Variants in RTN1 observed in about 807,000 individuals in gnomAD.
RTN1 encodes the protein reticulon 1.
RTN1 carries 25 observed loss-of-function variants against 65.5 expected under a neutral mutation model. The ratio of observed to expected loss-of-function variants is 0.38; its 90% CI spans 0.28 to 0.53. RTN1 has a LOEUF of 0.53. Among genes scored for constraint, RTN1 ranks in the 20% least tolerant of loss-of-function variants. RTN1 has a pLI of 0.79. For synonymous variants in RTN1, 471 were observed against 447.6 expected (o/e 1.05, Z -0.66); for missense variants, 983 against 1,025.4 (o/e 0.96, Z 0.57).
chr14:59,601,600 A>G (rs1233631476), intron 8 of RTN1, among the ~76,000 whole-genome samples: 2 of 152,196 alleles, frequency 1.3e-5, no homozygotes, highest in African/African-American at 4.8e-5. Context: ...ATGAAAAAGT[A>G]ATAGGTATGA....
intron 1 of RTN1, among the ~76,000 whole-genome samples, chr14:59,753,161 A>C (rs1885567012): frequency 6.6e-6 from 1 of 152,206 alleles, no homozygotes; most frequent in Non-Finnish European, 1.5e-5. Flanking sequence ...TCAGATGTAC[A>C]GTAATAATTG....
In RTN1 at chr14:59,636,793, C is replaced by G. The variant is rs117772161; in HGVS notation, c.1766-29301G>C. On this transcript the variant is annotated intron_variant, in intron 3 of 8. Coordinates refer to ENST00000267484, the MANE Select transcript of RTN1 (RefSeq NM_021136.3). ...AGTAATGTTTACACTATACTGTAGTCTATTAATTGTGCAATAGCATTATGA... is the reference window on the plus strand; with the variant it reads ...AGTAATGTTTACACTATACTGTAGTGTATTAATTGTGCAATAGCATTATGA... Among the ~76,000 whole-genome samples the G allele has an allele frequency of 6.8e-4, 104 of 152,276 alleles. 1 individual carries two copies. In the East Asian group the frequency reaches 0.018, roughly 26 times the overall value.
chr14:59,649,451 T>C (rs983089838), intron 3 of RTN1, among the ~76,000 whole-genome samples: 1 of 152,010 alleles, frequency 6.6e-6, no homozygotes, highest in Non-Finnish European at 1.5e-5. Flanking sequence ...CAAAATAAAC[T>C]ATCATCAGCA....
chr14:59,689,750 C>A (rs1257914917), intron 3 of RTN1, among the ~76,000 whole-genome samples: 1 of 152,100 alleles, frequency 6.6e-6, no homozygotes, highest in Non-Finnish European at 1.5e-5. Flanking sequence ...TCCAGACAAA[C>A]AAGCACTAAG....
At chr14:59,776,643 A>C (rs1412083888) in intron 1 of RTN1, among the ~76,000 whole-genome samples, 1 of 152,048 alleles carries the variant, frequency 6.6e-6, no homozygotes, top group Non-Finnish European at 1.5e-5. Context: ...TTTGTTCTCA[A>C]CCAGAAGAGG....
intron 3 of RTN1, among the ~76,000 whole-genome samples, chr14:59,674,772 A>T (rs1011925400): frequency 1.3e-5 from 2 of 152,216 alleles, no homozygotes; most frequent in African/African-American, 4.8e-5. Flanking sequence ...TGCAAATGGC[A>T]AAGGAAGAAG....
Position 59,790,437 on chromosome 14 carries a change from T to G in RTN1, c.242-43956A>C, listed in dbSNP as rs528247224. Among the ~76,000 whole-genome samples, 12 of 152,290 alleles carry G rather than the reference T, an allele frequency of 7.9e-5. No individual in the cohort carries two copies. Among genetic ancestry groups the G allele is most frequent in the African/African-American group, 2.6e-4 (11 of 41,574 alleles). On this transcript the variant is annotated intron_variant, in intron 1 of 8. Coordinates refer to ENST00000267484, the MANE Select transcript of RTN1 (RefSeq NM_021136.3). The surrounding 1 kb of genome is among the most constrained non-coding windows in gnomAD (Gnocchi z 4.1). ...CTAATAATAATATGAAACTCTTGTG[T>G]CACCTTTTATTCATAATTTTTCTCC... is the stretch of plus-strand genomic sequence containing the variant.
At chr14:59,866,029 A>T (rs1406556790) in intron 1 of RTN1, among the ~76,000 whole-genome samples, 1 of 147,432 alleles carries the variant, frequency 6.8e-6, no homozygotes, top group Non-Finnish European at 1.5e-5. Context: ...ATCTCAGAAA[A>T]CTAACTCATA....
chr14:59,830,062 C>G (rs1887098976), intron 1 of RTN1, among the ~76,000 whole-genome samples: 1 of 152,188 alleles, frequency 6.6e-6, no homozygotes, highest in East Asian at 1.9e-4. Context: ...ATCTAGAACA[C>G]AGTCACCCAA....
At chr14:59,864,144 C>A (rs1462759513) in intron 1 of RTN1, among the ~76,000 whole-genome samples, 2 of 152,154 alleles carry the variant, frequency 1.3e-5, no homozygotes, top group Non-Finnish European at 1.5e-5. Context: ...TGGCTCTCAT[C>A]ACACTCAGAG....
intron 3 of RTN1, among the ~76,000 whole-genome samples, chr14:59,704,319 A>C (rs1252878591): frequency 6.6e-6 from 1 of 152,172 alleles, no homozygotes; most frequent in Non-Finnish European, 1.5e-5. Context: ...ATTGACTAAG[A>C]AGATTATGCA....
At chr14:59,815,858 C>T (rs1886811708) in intron 1 of RTN1, among the ~76,000 whole-genome samples, 1 of 152,156 alleles carries the variant, frequency 6.6e-6, no homozygotes, top group Non-Finnish European at 1.5e-5. Context: ...CTCACTGGGC[C>T]CTTGTATATC....
At chr14:59,646,590 C>A (rs899742533) in intron 3 of RTN1, among the ~76,000 whole-genome samples, 3 of 152,192 alleles carry the variant, frequency 2.0e-5, no homozygotes, top group Non-Finnish European at 4.4e-5. Flanking sequence ...TAGCAGCAGA[C>A]CTCTCAGCAG....
chr14:59,749,160 C>CTATACA (rs1311080401), intron 1 of RTN1, among the ~76,000 whole-genome samples: 1 of 55,246 alleles, frequency 1.8e-5, no homozygotes, highest in Non-Finnish European at 3.1e-5. Flanking sequence ...CTATCTATAT[C>CTATACA]TATCTATATA....
chr14:59,641,949 GTCATACCAT>G (rs1217630852), intron 3 of RTN1, among the ~76,000 whole-genome samples: 1 of 151,926 alleles, frequency 6.6e-6, no homozygotes, highest in African/African-American at 2.4e-5. Flanking sequence ...ATCTCTTCCT[GTCATACCAT>G]TCATACCATT....
At chr14:59,640,566 C>T (rs1222520472) in intron 3 of RTN1, among the ~76,000 whole-genome samples, 11 of 152,110 alleles carry the variant, frequency 7.2e-5, no homozygotes, top group Non-Finnish European at 1.0e-4. Flanking sequence ...CTGCCTGCCT[C>T]GGCCTCCCAA....
chr14:59,667,761 G>A (rs1373989305), intron 3 of RTN1, among the ~76,000 whole-genome samples: 1 of 152,130 alleles, frequency 6.6e-6, no homozygotes, highest in East Asian at 1.9e-4. Flanking sequence ...CTTCAGCAAA[G>A]TCTCAGGATA....
At chr14:59,755,332 AT>A (rs1197579807) in intron 1 of RTN1, among the ~76,000 whole-genome samples, 1 of 152,244 alleles carries the variant, frequency 6.6e-6, no homozygotes, top group African/African-American at 2.4e-5. Context: ...TATAGGGGAC[AT>A]TAGTCCTATT....
At chr14:59,777,279 T>C (rs1188970094) in intron 1 of RTN1, among the ~76,000 whole-genome samples, 1 of 151,990 alleles carries the variant, frequency 6.6e-6, no homozygotes, top group Non-Finnish European at 1.5e-5. Flanking sequence ...TCCCTGGGAG[T>C]CTGGTTGCTT....
Sources: allele counts gnomAD v4.1 joint callset (sites outside exome capture counted in the v4.1 genomes callset), GRCh38; gene constraint gnomAD v4.1.1; non-coding constraint Gnocchi (gnomAD v3.1); transcripts MANE v1.5; gene names NCBI Gene and HGNC (gene_info 2026-07-23, HGNC 2026-07-21).